ASPH: variants seen among roughly 807,000 people sequenced by gnomAD.
ASPH encodes aspartate beta-hydroxylase.
A neutral mutation model predicts 118.4 loss-of-function variants in ASPH; 100 were observed. The ratio of observed to expected loss-of-function variants is 0.84; its 90% confidence interval spans 0.72 to 1.00. ASPH has a LOEUF of 1.00. ASPH is among the 50% of genes least tolerant of loss of function. The pLI is 0.00. For synonymous variants in ASPH, 315 were observed against 325.6 expected (o/e 0.97, Z 0.35); for missense variants, 920 against 919.5 (o/e 1.00, Z -0.01).
chr8:61,505,697 A>G (rs1335872967), intron 24 of ASPH, among the ~76,000 whole-genome samples: 1 of 152,120 alleles, frequency 6.6e-6, no homozygotes, highest in Non-Finnish European at 1.5e-5. Context: ...GCTCTTCTAC[A>G]ACTCCTCTGA....
intron 22 of ASPH, among the ~76,000 whole-genome samples, chr8:61,525,762 A>T (rs1394884752): frequency 6.6e-6 from 1 of 152,240 alleles, no homozygotes; most frequent in Non-Finnish European, 1.5e-5. Flanking sequence ...ACACATGGAT[A>T]TACACACACA....
intron 1 of ASPH, among the ~76,000 whole-genome samples, chr8:61,706,404 C>CAAAAAAAAAAAAAAAAAAAAAAAAAAA (rs55731088): frequency 2.8e-5 from 2 of 70,560 alleles, no homozygotes; most frequent in Non-Finnish European, 4.9e-5. Context: ...GGTCATGACT[C>CAAAAAAAAAAAAAAAAAAAAAAAAAAA]AAAAAAAAAA....
chr8:61,651,328 C>A (rs1057187791), intron 4 of ASPH: 6 of 407,040 alleles, frequency 1.5e-5, no homozygotes, highest in Non-Finnish European at 2.6e-5. Flanking sequence ...ATTCTGTCAA[C>A]AGACTTAAGC....
intron 20 of ASPH, among the ~76,000 whole-genome samples, chr8:61,552,563 T>TA (rs1023757865): frequency 6.6e-6 from 1 of 152,162 alleles, no homozygotes; most frequent in African/African-American, 2.4e-5. Flanking sequence ...GACTTCATTC[T>TA]AAAAAGAACT....
At chr8:61,504,688 T>C (rs990187939) in intron 24 of ASPH, among the ~76,000 whole-genome samples, 2 of 152,202 alleles carry the variant, frequency 1.3e-5, no homozygotes, top group East Asian at 3.8e-4. Flanking sequence ...TAGCATTCCC[T>C]ATACCATGAG....
At chr8:61,615,607 C>T (rs1345113562) in intron 14 of ASPH, among the ~76,000 whole-genome samples, 1 of 152,142 alleles carries the variant, frequency 6.6e-6, no homozygotes, top group Non-Finnish European at 1.5e-5. Flanking sequence ...TTGAATTTGA[C>T]ATTTAACAAG....
At chr8:61,625,963 A>G (rs1852610819) in intron 13 of ASPH, 1 of 1,144,506 alleles carries the variant, frequency 8.7e-7, no homozygotes, top group Non-Finnish European at 1.1e-6. Context: ...TCGGAAAAAC[A>G]CACATAAATT....
intron 1 of ASPH, among the ~76,000 whole-genome samples, chr8:61,706,554 T>G (rs1284727966): frequency 6.6e-6 from 1 of 151,812 alleles, no homozygotes; most frequent in Non-Finnish European, 1.5e-5. Flanking sequence ...TATAAGAAGA[T>G]TCAGTATTAT....
At chr8:61,614,789 C>T (rs1362257253) in intron 14 of ASPH, among the ~76,000 whole-genome samples, 2 of 152,096 alleles carry the variant, frequency 1.3e-5, no homozygotes, top group Admixed American at 1.3e-4. Flanking sequence ...TGTGCCTGGC[C>T]ATAGATCCAT....
chr8:61,708,655 A>G lies in ASPH; in HGVS notation c.103+5614T>C, dbSNP rs566630220. On this transcript the variant is annotated intron_variant, in intron 1 of 24. Transcript: ENST00000379454. ...TCAAACCTATGTAAAATATGAGAAA[A>G]GGCAGTTACAACAATGCTGGTTGTG... Among the ~76,000 whole-genome samples the G allele has an allele frequency of 4.6e-4, 70 of 152,352 alleles. 1 individual carries two copies. In the Middle Eastern group the frequency reaches 0.027, roughly 59 times the overall value.
intron 3 of ASPH, chr8:61,657,457 C>T (rs1364647597): frequency 3.3e-5 from 5 of 152,158 alleles, no homozygotes; most frequent in Non-Finnish European, 7.3e-5. Flanking sequence ...CAAAACTGTA[C>T]AGCACGTACT....
chr8:61,612,997 GA>G (rs968946974), intron 14 of ASPH, among the ~76,000 whole-genome samples: 1 of 152,148 alleles, frequency 6.6e-6, no homozygotes, highest in Non-Finnish European at 1.5e-5. Context: ...GAATGAAAGG[GA>G]AGGGGGTTAG....
At position 61,502,037 on chromosome 8, in the gene ASPH, A is replaced by C. The variant is rs769729745; in HGVS notation, c.*1322T>G. 17 of 152,318 alleles carry C rather than the reference A, an allele frequency of 1.1e-4. No homozygotes were observed. The highest frequency in any genetic ancestry group is 1.8e-4 in the Non-Finnish European group (12 of 68,028). 9.4% of individuals were successfully genotyped at this position (152,318 alleles called of 1,614,324 possible). A position where few individuals can be genotyped will look rare whatever the true frequency, so the allele number is the denominator to read the frequency against. On this transcript the variant is annotated 3_prime_UTR_variant, in exon 25 of 25. Transcript: ENST00000379454. ...CATTCCTAGTTAGCTTTGATTCAAA[A>C]TATACAAAATCTGATACATGAATAC...
chr8:61,587,937 C>T lies in ASPH; in HGVS notation c.977-3908G>A, dbSNP rs1839953851. On this transcript the variant is annotated intron_variant, in intron 14 of 24. Coordinates refer to ENST00000379454, the MANE Select transcript of ASPH (RefSeq NM_004318.4). ...TGGGACCCTGGCGAACTCTCTCCAG[C>T]ACTCTGGGCCTCAGCTTTCTTACCC... Among the ~76,000 whole-genome samples the T allele has an allele frequency of 2.6e-5, 4 of 152,208 alleles. No individual in the cohort carries two copies. In the South Asian group the frequency reaches 8.3e-4, roughly 32 times the overall value.
intron 13 of ASPH, among the ~76,000 whole-genome samples, chr8:61,619,632 G>A (rs150236655): frequency 6.6e-6 from 1 of 152,192 alleles, no homozygotes; most frequent in Non-Finnish European, 1.5e-5. Context: ...GAATTACCTA[G>A]GACAGTGACA....
At chr8:61,516,498 C>T (rs551051040) in intron 24 of ASPH, among the ~76,000 whole-genome samples, 4 of 152,178 alleles carry the variant, frequency 2.6e-5, no homozygotes, top group Non-Finnish European at 5.9e-5. Flanking sequence ...GACCCCTGAA[C>T]ACTCATCCTC....
intron 3 of ASPH, chr8:61,676,425 G>A: frequency 8.9e-6 from 9 of 1,008,030 alleles, no homozygotes; most frequent in Non-Finnish European, 1.3e-5. Context: ...CAAGGTCAGA[G>A]AGGTTTACAG....
At chr8:61,647,395 G>C (rs748909310) in intron 5 of ASPH, among the ~76,000 whole-genome samples, 1 of 152,224 alleles carries the variant, frequency 6.6e-6, no homozygotes, top group Non-Finnish European at 1.5e-5. Context: ...CTAGGGCCAG[G>C]CATGGCAGCT....
At chr8:61,576,740 A>C (rs751871155) in intron 16 of ASPH, 32 bp downstream of exon 16, 1 of 1,566,542 alleles carries the variant, frequency 6.4e-7, no homozygotes, top group Non-Finnish European at 8.7e-7. Flanking sequence ...GAACATCAAA[A>C]AAGTGTCCTA....
Sources: allele counts gnomAD v4.1 joint callset (sites outside exome capture counted in the v4.1 genomes callset), GRCh38; gene constraint gnomAD v4.1.1; transcripts MANE v1.5; gene names NCBI Gene and HGNC (gene_info 2026-07-23, HGNC 2026-07-21).